The following NFAT5 variants were observed in gnomAD, a reference collection of about 807,000 sequenced individuals.
NFAT5 encodes the protein nuclear factor of activated T cells 5, also known as nuclear factor of activated T-cells 5.
A neutral mutation model predicts 166.5 loss-of-function variants in NFAT5; 31 were observed. The ratio of observed to expected loss-of-function variants is 0.19; its 90% confidence interval spans 0.14 to 0.25. The LOEUF is 0.25. Among genes scored for constraint, NFAT5 ranks in the 10% least tolerant of loss-of-function variants. The pLI, the probability that NFAT5 is intolerant of heterozygous loss-of-function variation, is 1.00. For synonymous variants in NFAT5, 612 were observed against 639.7 expected (o/e 0.96, Z 0.65); for missense variants, 1,449 against 1,821.8 (o/e 0.80, Z 3.72).
chr16:69,567,153 C>CGCT (rs1469704108), intron 1 of NFAT5, among the ~76,000 whole-genome samples: 1 of 152,192 alleles, frequency 6.6e-6, no homozygotes, highest in Non-Finnish European at 1.5e-5. Flanking sequence ...CAGGCACAGA[C>CGCT]GCTGTCCTTT....
intron 2 of NFAT5, 36 bp downstream of exon 2, chr16:69,568,584 G>A: frequency 6.5e-7 from 1 of 1,529,204 alleles, no homozygotes; most frequent in Non-Finnish European, 9.0e-7. Context: ...TATTGTGTTA[G>A]TATGCAAAGG....
intron 2 of NFAT5, among the ~76,000 whole-genome samples, chr16:69,578,065 T>C (rs1352407935): frequency 1.3e-5 from 2 of 152,178 alleles, no homozygotes; most frequent in African/African-American, 4.8e-5. Flanking sequence ...CCCTAAGTGA[T>C]GCAGTGTAAC....
intron 7 of NFAT5, among the ~76,000 whole-genome samples, chr16:69,668,231 G>A (rs2036483029): frequency 6.6e-6 from 1 of 152,100 alleles, no homozygotes; most frequent in East Asian, 1.9e-4. Flanking sequence ...CAGGTGATCT[G>A]CCCCTCTCGG....
At chr16:69,663,785 G>C (rs572123020) in intron 7 of NFAT5, among the ~76,000 whole-genome samples, 5 of 152,092 alleles carry the variant, frequency 3.3e-5, no homozygotes, top group Admixed American at 1.3e-4. Flanking sequence ...ACTATGATGG[G>C]AGGATTATTT....
At chr16:69,686,741 G>A (rs2037322064) in intron 11 of NFAT5, among the ~76,000 whole-genome samples, 2 of 152,012 alleles carry the variant, frequency 1.3e-5, no homozygotes, top group African/African-American at 4.8e-5. Flanking sequence ...GTGCGTGCCT[G>A]TAATCCCAGC....
chr16:69,641,769 A>G (rs570188869), intron 3 of NFAT5, among the ~76,000 whole-genome samples: 1 of 152,262 alleles, frequency 6.6e-6, no homozygotes, highest in African/African-American at 2.4e-5. Flanking sequence ...GAGTATATAA[A>G]ATCTACATGG....
At chr16:69,678,932 CTCTTTTCTTT>C (rs909064357) in intron 10 of NFAT5, among the ~76,000 whole-genome samples, 4 of 152,040 alleles carry the variant, frequency 2.6e-5, no homozygotes, top group Non-Finnish European at 4.4e-5. Context: ...ATTCACTATT[CTCTTTTCTTT>C]TCTTTTCTTT....
At position 69,566,846 on chromosome 16, in the gene NFAT5, G is replaced by C. The variant is rs1350814444; in HGVS notation, c.73+472G>C. Among the ~76,000 whole-genome samples the C allele has an allele frequency of 6.6e-6, 1 of 152,260 alleles. No homozygotes were observed. The highest frequency in any genetic ancestry group is 1.9e-4 in the East Asian group (1 of 5,156). ...TGGCCTGGAGCCGGTTCTGAGTGCA[G>C]GGTCACCATTTTCCTCCCTTTCCAG... On this transcript the variant is annotated intron_variant, in intron 1 of 14. Coordinates refer to ENST00000349945, the MANE Select transcript of NFAT5 (RefSeq NM_138713.4). The surrounding 1 kb of genome is among the most constrained non-coding windows in gnomAD (Gnocchi z 5.7).
chr16:69,573,986 C>T (rs756535232), intron 2 of NFAT5, among the ~76,000 whole-genome samples: 11 of 151,464 alleles, frequency 7.3e-5, no homozygotes, highest in Non-Finnish European at 1.6e-4. Context: ...ATTTCCCTGC[C>T]TCAGCCTCCC....
intron 10 of NFAT5, among the ~76,000 whole-genome samples, chr16:69,683,791 T>C (rs1056552651): frequency 5.9e-5 from 9 of 151,858 alleles, no homozygotes; most frequent in Non-Finnish European, 1.2e-4. Context: ...ACCCCATCTC[T>C]ACTAAAAATA....
At chr16:69,595,297 C>T (rs562682451) in intron 2 of NFAT5, among the ~76,000 whole-genome samples, 1 of 152,086 alleles carries the variant, frequency 6.6e-6, no homozygotes, top group African/African-American at 2.4e-5. Context: ...GATACAGTGC[C>T]GATGTGATGA....
At chr16:69,606,556 G>A (rs912091743) in intron 2 of NFAT5, among the ~76,000 whole-genome samples, 2 of 152,154 alleles carry the variant, frequency 1.3e-5, no homozygotes, top group African/African-American at 4.8e-5. Context: ...TACAAGACCT[G>A]TAGAAAGGAA....
chr16:69,600,093 TG>T (rs1347747388), intron 2 of NFAT5, among the ~76,000 whole-genome samples: 4 of 150,050 alleles, frequency 2.7e-5, no homozygotes, highest in Non-Finnish European at 4.4e-5. Flanking sequence ...TGTTAAGAAG[TG>T]GTGGAATTCT....
chr16:69,669,347 C>T (rs1480242830), intron 7 of NFAT5, among the ~76,000 whole-genome samples: 1 of 152,050 alleles, frequency 6.6e-6, no homozygotes, highest in African/African-American at 2.4e-5. Context: ...AGGTTCGAGA[C>T]CAGCCTGACC....
intron 10 of NFAT5, among the ~76,000 whole-genome samples, chr16:69,681,468 G>A (rs546330749): frequency 6.6e-6 from 1 of 152,198 alleles, no homozygotes; most frequent in East Asian, 1.9e-4. Flanking sequence ...TTCTAAGCTG[G>A]GCTATGGTAG....
At chr16:69,579,416 T>C (rs531443832) in intron 2 of NFAT5, among the ~76,000 whole-genome samples, 2 of 152,288 alleles carry the variant, frequency 1.3e-5, no homozygotes, top group Admixed American at 6.5e-5. Flanking sequence ...ATAGATACTT[T>C]GGATAAAATG....
At chr16:69,577,159 C>T (rs981388983) in intron 2 of NFAT5, among the ~76,000 whole-genome samples, 6 of 152,146 alleles carry the variant, frequency 3.9e-5, no homozygotes, top group Non-Finnish European at 7.4e-5. Context: ...GTAGTCTATA[C>T]ATTTTGTTGT....
intron 2 of NFAT5, among the ~76,000 whole-genome samples, chr16:69,587,448 G>A (rs1029504707): frequency 1.3e-4 from 20 of 151,984 alleles, no homozygotes; most frequent in African/African-American, 4.8e-4. Context: ...TAGTGCAGTG[G>A]TGTGATCTCG....
rs2037782225 is a variant in NFAT5, at chr16:69,696,906, TG to T, written c.*556del. 6.6e-6 allele frequency: 1 copy of T among 152,600 alleles called. No individual in the cohort carries two copies. 9.5% of individuals were successfully genotyped at this position (152,600 alleles called of 1,614,324 possible). A position where few individuals can be genotyped will look rare whatever the true frequency, so the allele number is the denominator to read the frequency against. ...AAGGGTAACATTCTAACAAGTAAAC[TG>T]TATGTGCAGATAAAAGTACTCTTGA... On this transcript the variant is annotated 3_prime_UTR_variant, in exon 15 of 15. Transcript: ENST00000349945.
Sources: allele counts gnomAD v4.1 joint callset (sites outside exome capture counted in the v4.1 genomes callset), GRCh38; gene constraint gnomAD v4.1.1; non-coding constraint Gnocchi (gnomAD v3.1); transcripts MANE v1.5; gene names NCBI Gene and HGNC (gene_info 2026-07-23, HGNC 2026-07-21).